The following NDC80 variants were observed in gnomAD, a reference collection of about 807,000 sequenced individuals.
NDC80 encodes the protein NDC80 kinetochore complex component, also known as kinetochore protein NDC80 homolog.
In NDC80, 69 loss-of-function variants were observed where a neutral mutation model predicts 89.3. The observed-to-expected ratio is 0.77, with a 90% CI of 0.64 to 0.94. The LOEUF (loss-of-function observed/expected upper bound fraction) is 0.94, where lower values mean the gene tolerates loss of function less well. Ranked by LOEUF, NDC80 falls within the 40% of genes least tolerant of loss-of-function variation. The pLI, the probability that NDC80 is intolerant of heterozygous loss-of-function variation, is 0.00. For missense variants in NDC80, 593 were observed against 739.6 expected, an observed-to-expected ratio of 0.80 and a Z score of 2.30; for synonymous variants, 243 against 255.6, an observed-to-expected ratio of 0.95 and a Z score of 0.47.
intron 3 of NDC80, among the ~76,000 whole-genome samples, chr18:2,576,562 C>T (rs192159165): frequency 6.6e-6 from 1 of 152,280 alleles, no homozygotes; most frequent in East Asian, 1.9e-4. Context: ...ATAGTTTTGA[C>T]TGCTCAGTGA....
chr18:2,580,138 C>CA (rs1006461103), intron 6 of NDC80, among the ~76,000 whole-genome samples: 3 of 150,938 alleles, frequency 2.0e-5, no homozygotes, highest in Non-Finnish European at 3.0e-5. Flanking sequence ...ACACAACAAG[C>CA]AAAAAAAATT....
intron 6 of NDC80, among the ~76,000 whole-genome samples, chr18:2,584,753 A>C (rs1454279705): frequency 6.6e-6 from 1 of 152,136 alleles, no homozygotes; most frequent in East Asian, 1.9e-4. Context: ...TCTGTTTTGG[A>C]TTCTTAGTTA....
At chr18:2,605,349 G>A (rs1157125851) in intron 13 of NDC80, among the ~76,000 whole-genome samples, 1 of 148,770 alleles carries the variant, frequency 6.7e-6, no homozygotes, top group Non-Finnish European at 1.5e-5. Flanking sequence ...ATGGAAATGT[G>A]TACTTTGGGA....
At chr18:2,602,075 GCA>G (rs1449544615) in intron 13 of NDC80, among the ~76,000 whole-genome samples, 1 of 152,108 alleles carries the variant, frequency 6.6e-6, no homozygotes, top group African/African-American at 2.4e-5. Context: ...CTTCTCAAAT[GCA>G]CACACAAAGG....
intron 13 of NDC80, among the ~76,000 whole-genome samples, chr18:2,603,212 A>G (rs1486733696): frequency 3.3e-5 from 5 of 151,956 alleles, no homozygotes; most frequent in African/African-American, 4.8e-5. Flanking sequence ...TATGTGGATG[A>G]ATGTGGAGGG....
intron 14 of NDC80, 146 bp from the exon 15 acceptor site, chr18:2,608,554 C>G: frequency 1.2e-6 from 1 of 839,908 alleles, no homozygotes; most frequent in Non-Finnish European, 1.7e-6. Context: ...TTTAAAGTCT[C>G]TTGCATGTAA....
Position 2,590,107 on chromosome 18 carries a change from T to A in NDC80, c.960T>A (p.His320Gln). Residue 320 changes from histidine (H) to glutamine (Q), a missense_variant, in exon 10 of 17, where the codon CAT becomes CAA. By Grantham distance (24) the His-to-Gln change is conservative. Coordinates refer to ENST00000261597, the MANE Select transcript of NDC80 (RefSeq NM_006101.3). ...YQAYMSNLES[H>Q]SAILDQKLNG... is the part of the protein sequence containing the mutation. ...CATACATGAGCAATTTGGAGTCTCA[T>A]TCAGCCATTCTTGACCAGAAATTAA... The A allele has an allele frequency of 6.2e-7, 1 of 1,612,130 alleles. No homozygotes were observed. Among genetic ancestry groups the A allele is most frequent in the Non-Finnish European group, 8.5e-7 (1 of 1,179,084 alleles).
rs756587942 is a variant in NDC80, at chr18:2,606,751, T to TAAA, written c.1557+244_1557+245insAAA. The stretch of plus-strand genomic sequence containing the variant: ...AAGGAACATTTACTTTTCCTTTATC[T>TAAA]GGTATTTTATACTTGCATATGACTC... On this transcript the variant is annotated intron_variant, in intron 14 of 16. Coordinates refer to ENST00000261597, the MANE Select transcript of NDC80 (RefSeq NM_006101.3). Among the ~76,000 whole-genome samples the TAAA allele has an allele frequency of 2.5e-3, 388 of 152,236 alleles. 1 individual carries two copies. Among genetic ancestry groups the TAAA allele is most frequent in the Non-Finnish European group, 4.1e-3 (282 of 67,966 alleles).
chr18:2,579,069 G>T, intron 6 of NDC80, 40 bp downstream of exon 6: 1 of 1,264,296 alleles, frequency 7.9e-7, no homozygotes, highest in South Asian at 1.7e-5. Flanking sequence ...CATGGGAAAG[G>T]GTTTTTTTCC....
At chr18:2,591,175 C>T (rs977274660) in intron 10 of NDC80, among the ~76,000 whole-genome samples, 5 of 152,208 alleles carry the variant, frequency 3.3e-5, no homozygotes, top group South Asian at 2.1e-4. Context: ...CTACAGTTCT[C>T]GGGGAAAAGA....
rs753659229 is a variant in NDC80, at chr18:2,606,523, C to T, written c.1557+16C>T. Reference sequence around the variant, plus strand: ...AAAAATTAAGGTAAGAACTTTGCCACAGTTTGCGTAGGTTATCAAAAGCTA... The same window carrying T: ...AAAAATTAAGGTAAGAACTTTGCCATAGTTTGCGTAGGTTATCAAAAGCTA... On this transcript the variant is annotated intron_variant, in intron 14 of 16. Coordinates refer to ENST00000261597, the MANE Select transcript of NDC80 (RefSeq NM_006101.3). 6.5e-6 allele frequency: 10 copies of T among 1,545,226 alleles called. No individual in the cohort carries two copies. Among genetic ancestry groups the T allele is most frequent in the Non-Finnish European group, 8.8e-6 (10 of 1,131,904 alleles).
intron 10 of NDC80, among the ~76,000 whole-genome samples, chr18:2,591,971 G>A (rs982011034): frequency 3.9e-5 from 6 of 152,062 alleles, no homozygotes; most frequent in Non-Finnish European, 7.4e-5. Flanking sequence ...GGCCAGGCTG[G>A]TCTCAAACTC....
chr18:2,588,416 T>TA (rs1050158507), intron 8 of NDC80, among the ~76,000 whole-genome samples: 54 of 152,294 alleles, frequency 3.5e-4, no homozygotes, highest in Non-Finnish European at 6.8e-4. Flanking sequence ...GAAAATCTTT[T>TA]TTTTTTTTTA....
intron 7 of NDC80, among the ~76,000 whole-genome samples, chr18:2,585,471 GAAT>G: frequency 6.6e-6 from 1 of 152,240 alleles, no homozygotes; most frequent in East Asian, 1.9e-4. Context: ...ATAAAGTATT[GAAT>G]AGCTCTTGTA....
At chr18:2,601,955 T>C (rs2072686324) in intron 13 of NDC80, among the ~76,000 whole-genome samples, 1 of 152,268 alleles carries the variant, frequency 6.6e-6, no homozygotes, top group South Asian at 2.1e-4. Context: ...TTTCAGGTAG[T>C]CTCTGCTTCT....
chr18:2,608,671 A>G (rs1186387257), intron 14 of NDC80, 29 bp from the exon 15 acceptor site: 3 of 1,588,528 alleles, frequency 1.9e-6, no homozygotes, highest in South Asian at 2.2e-5. Context: ...AATATCAAGA[A>G]ACCCATAACC....
intron 6 of NDC80, among the ~76,000 whole-genome samples, chr18:2,581,640 CAG>C (rs2072578713): frequency 6.6e-6 from 1 of 152,252 alleles, no homozygotes; most frequent in African/African-American, 2.4e-5. Flanking sequence ...GCCTAGGCAA[CAG>C]AGCAAAACTC....
intron 7 of NDC80, among the ~76,000 whole-genome samples, chr18:2,585,755 TTAAC>T (rs1472768874): frequency 6.6e-6 from 1 of 152,178 alleles, no homozygotes; most frequent in African/African-American, 2.4e-5. Context: ...TTTGAAAATT[TTAAC>T]TAAGTAAAAA....
chr18:2,608,586 A>G (rs2072727208), intron 14 of NDC80, 114 bp from the exon 15 acceptor site: 1 of 1,139,594 alleles, frequency 8.8e-7, no homozygotes, highest in African/African-American at 1.6e-5. Flanking sequence ...TCTTGAGAAT[A>G]CAAATGATGC....
Sources: allele counts gnomAD v4.1 joint callset (sites outside exome capture counted in the v4.1 genomes callset), GRCh38; gene constraint gnomAD v4.1.1; transcripts MANE v1.5; gene names NCBI Gene and HGNC (gene_info 2026-07-23, HGNC 2026-07-21).